Variants in MSH3 observed in about 807,000 individuals in gnomAD.
The protein encoded by MSH3 is DNA mismatch repair protein Msh3.
In MSH3, 106 loss-of-function variants were observed where a neutral mutation model predicts 123.3. The observed-to-expected ratio is 0.86, with a 90% CI of 0.73 to 1.01. MSH3 has a LOEUF of 1.01. Ranked by LOEUF, MSH3 falls within the 50% of genes least tolerant of loss-of-function variation. MSH3 has a pLI of 0.00. For missense variants in MSH3, 1,459 were observed against 1,347.6 expected (o/e 1.08, Z -1.29); for synonymous variants, 515 against 481.4 (o/e 1.07, Z -0.91).
intron 10 of MSH3, among the ~76,000 whole-genome samples, chr5:80,733,499 T>C (rs1210759657): frequency 1.3e-5 from 2 of 152,080 alleles, no homozygotes; most frequent in Non-Finnish European, 2.9e-5. Flanking sequence ...GTAAAAGCTT[T>C]TATTCTTCAA....
At position 80,656,421 on chromosome 5, in the gene MSH3, T is replaced by C. The variant is rs2112801546; in HGVS notation, c.248T>C (p.Ile83Thr). The change falls in exon 2 of 24, where the codon ATT (isoleucine) becomes ACT (threonine). Residue 83 changes from isoleucine (I) to threonine (T), a missense_variant. Ile to Thr is a moderately conservative substitution (Grantham distance 89). Coordinates refer to ENST00000265081, the MANE Select transcript of MSH3 (RefSeq NM_002439.5). The stretch of plus-strand genomic sequence containing the variant: ...ACCTTCCCGATATAGGCTACAGAAA[T>C]TGACAGAAGAAAGAAGAGACCATTG... The part of the protein sequence containing the change: ...PQLPPHIATE[I>T]DRRKKRPLEN... 6.2e-7 allele frequency: 1 copy of C among 1,614,038 alleles called. No homozygotes were observed. Among genetic ancestry groups the C allele is most frequent in the South Asian group, 1.1e-5 (1 of 91,072 alleles).
At chr5:80,666,972 T>A (rs1202992032) in intron 3 of MSH3, among the ~76,000 whole-genome samples, 2 of 152,184 alleles carry the variant, frequency 1.3e-5, no homozygotes, top group African/African-American at 4.8e-5. Flanking sequence ...TCTATCCAAA[T>A]CATTTTTTTT....
At chr5:80,685,524 C>T (rs977793839) in intron 8 of MSH3, among the ~76,000 whole-genome samples, 5 of 151,948 alleles carry the variant, frequency 3.3e-5, no homozygotes, top group African/African-American at 1.2e-4. Flanking sequence ...TCTTCTTTCT[C>T]ATCTCTAATT....
chr5:80,775,793 T>G, intron 16 of MSH3, 35 bp downstream of exon 16: 1 of 1,143,994 alleles, frequency 8.7e-7, no homozygotes, highest in Non-Finnish European at 1.3e-6. Flanking sequence ...TTACAATGCA[T>G]TATGATGACA....
At chr5:80,870,241 G>C (rs1170831570) in intron 22 of MSH3, among the ~76,000 whole-genome samples, 2 of 151,532 alleles carry the variant, frequency 1.3e-5, no homozygotes, top group African/African-American at 4.9e-5. Context: ...CATTTATCAG[G>C]CTCCCAGAAA....
intron 8 of MSH3, among the ~76,000 whole-genome samples, chr5:80,709,477 C>G (rs577251455): frequency 6.6e-6 from 1 of 151,974 alleles, no homozygotes; most frequent in Non-Finnish European, 1.5e-5. Context: ...AAAAAATTAG[C>G]CTAGCGCAGT....
chr5:80,762,790 T>TTTATTTTATTTTATTTTATG (rs1554072034), intron 13 of MSH3, among the ~76,000 whole-genome samples: 1 of 132,918 alleles, frequency 7.5e-6, no homozygotes. Context: ...TTTATTTTAT[T>TTTATTTTATTTTATTTTATG]TTATGTTATG....
chr5:80,746,197 T>A (rs1743716612), intron 12 of MSH3: 1 of 205,290 alleles, frequency 4.9e-6, no homozygotes, highest in Non-Finnish European at 9.8e-6. Flanking sequence ...CACCACACAT[T>A]CACTGAGGAC....
chr5:80,782,036 C>T (rs890310391), intron 17 of MSH3, among the ~76,000 whole-genome samples: 11 of 152,026 alleles, frequency 7.2e-5, no homozygotes, highest in African/African-American at 2.4e-4. Flanking sequence ...AGCATACAGA[C>T]TTTTATATTT....
intron 10 of MSH3, among the ~76,000 whole-genome samples, chr5:80,736,644 A>T (rs1056234879): frequency 1.3e-5 from 2 of 152,126 alleles, no homozygotes; most frequent in East Asian, 3.9e-4. Flanking sequence ...AGTGTGGTTT[A>T]TGCTGATCAC....
At chr5:80,713,352 A>G (rs1226056345) in intron 8 of MSH3, among the ~76,000 whole-genome samples, 1 of 152,228 alleles carries the variant, frequency 6.6e-6, no homozygotes, top group Non-Finnish European at 1.5e-5. Context: ...ACAGAGAGGC[A>G]TGTTACATGT....
intron 8 of MSH3, among the ~76,000 whole-genome samples, chr5:80,687,371 G>C (rs1750116744): frequency 1.3e-5 from 2 of 152,320 alleles, no homozygotes; most frequent in South Asian, 4.1e-4. Context: ...GAAAGCTTTA[G>C]AAAGCGATAA....
chr5:80,737,336 T>G (rs1580594692), intron 10 of MSH3, among the ~76,000 whole-genome samples: 1 of 152,216 alleles, frequency 6.6e-6, no homozygotes, highest in East Asian at 1.9e-4. Flanking sequence ...TGTCTGTCTT[T>G]TTTTTAAGCA....
At chr5:80,811,090 C>T (rs989603973) in intron 19 of MSH3, among the ~76,000 whole-genome samples, 4 of 151,920 alleles carry the variant, frequency 2.6e-5, no homozygotes, top group Non-Finnish European at 5.9e-5. Context: ...ATAAGTGATA[C>T]TCAACCTGTA....
At chr5:80,659,220 T>A (rs1185755651) in intron 2 of MSH3, among the ~76,000 whole-genome samples, 1 of 142,560 alleles carries the variant, frequency 7.0e-6, no homozygotes, top group East Asian at 2.0e-4. Context: ...GGTGACAGAG[T>A]GAGATTCTGT....
chr5:80,741,851 A>G (rs980208002), intron 11 of MSH3, among the ~76,000 whole-genome samples: 1 of 152,034 alleles, frequency 6.6e-6, no homozygotes, highest in Non-Finnish European at 1.5e-5. Flanking sequence ...GAAAATATGA[A>G]GCGGATTTTT....
rs1473999468 is a variant in MSH3 at position 80,722,498 on chromosome 5, T to C, written c.1341-2955T>C. ...ACTCTTTCCTATCATCTACTAATTT[T>C]CATTATAGCAGCAGTCTTTTATTTG... On this transcript the variant is annotated intron_variant, in intron 8 of 23. Coordinates refer to ENST00000265081, the MANE Select transcript of MSH3 (RefSeq NM_002439.5). 2.0e-5 allele frequency among the ~76,000 whole-genome samples: 3 copies of C among 152,224 alleles called. No individual in the cohort carries two copies. In the South Asian group the frequency reaches 6.2e-4, roughly 32 times the overall value.
Position 80,725,559 on chromosome 5 carries a change from A to G in MSH3, c.1447A>G (p.Ile483Val), listed in dbSNP as rs1259090108. Residue 483 changes from isoleucine (I) to valine (V), a missense_variant, in exon 9 of 24, where the codon ATC becomes GTC. Ile to Val is a conservative substitution (Grantham distance 29). Transcript: ENST00000265081. ...GTTTTATGCAAAAGATACAGTTGACATCAAAGGTAAATATTTTCCCTGTAT... is the reference window on the plus strand; with the variant it reads ...GTTTTATGCAAAAGATACAGTTGACGTCAAAGGTAAATATTTTCCCTGTAT... ...TEFYAKDTVD[I>V]KGSQIISGIV... The G allele has an allele frequency of 1.2e-6, 2 of 1,608,634 alleles. No homozygotes were observed. The highest frequency in any genetic ancestry group is 1.7e-6 in the Non-Finnish European group (2 of 1,175,022).
chr5:80,824,443 G>A (rs1178995956), intron 20 of MSH3, among the ~76,000 whole-genome samples: 1 of 151,900 alleles, frequency 6.6e-6, no homozygotes, highest in Non-Finnish European at 1.5e-5. Context: ...GGCGGGGGCT[G>A]CCCCCCACCT....
Sources: allele counts gnomAD v4.1 joint callset (sites outside exome capture counted in the v4.1 genomes callset), GRCh38; gene constraint gnomAD v4.1.1; transcripts MANE v1.5; gene names NCBI Gene and HGNC (gene_info 2026-07-23, HGNC 2026-07-21).